Variants in LCMT1 observed in about 807,000 individuals in gnomAD.
The protein encoded by LCMT1 is [Phosphatase 2A protein]-leucine-carboxy methyltransferase 1.
In LCMT1, 32 loss-of-function variants were observed where a neutral mutation model predicts 47.7. The ratio of observed to expected loss-of-function variants is 0.67; its 90% CI spans 0.51 to 0.90. LCMT1 has a LOEUF of 0.90. LCMT1 is among the 40% of genes least tolerant of loss of function. The pLI is 0.00. For synonymous variants in LCMT1, 152 were observed against 149.7 expected (o/e 1.02, Z -0.11); for missense variants, 375 against 415.2 (o/e 0.90, Z 0.84).
chr16:25,173,203 A>G (rs902394826), intron 9 of LCMT1, among the ~76,000 whole-genome samples: 30 of 152,212 alleles, frequency 2.0e-4, no homozygotes, highest in Non-Finnish European at 1.2e-4. Context: ...TAAGCACCAG[A>G]GATACAGCAA....
chr16:25,125,142 A>G (rs558436643), intron 1 of LCMT1, among the ~76,000 whole-genome samples: 3 of 152,350 alleles, frequency 2.0e-5, no homozygotes, highest in Admixed American at 1.3e-4. Context: ...GAGATGTGTA[A>G]TGGAAATTGA....
chr16:25,177,853 G>A lies in LCMT1; in HGVS notation c.983-148G>A, dbSNP rs1242459856. ...CTTACCCAACCTTTTGTTTCCTTGC[G>A]AAACCTCATTTTATGTAGCAGGAGG... On this transcript the variant is annotated intron_variant, in intron 10 of 10. Coordinates refer to ENST00000399069, the MANE Select transcript of LCMT1 (RefSeq NM_016309.3). 24 of 726,270 alleles carry A rather than the reference G, an allele frequency of 3.3e-5. 1 individual carries two copies. The East Asian group carries it at 4.1e-4, about 12-fold the overall frequency. 45.0% of individuals were successfully genotyped at this position (726,270 alleles called of 1,614,324 possible). A position where few individuals can be genotyped will look rare whatever the true frequency, so the allele number is the denominator to read the frequency against.
At chr16:25,118,857 C>T (rs904308778) in intron 1 of LCMT1, among the ~76,000 whole-genome samples, 1 of 151,622 alleles carries the variant, frequency 6.6e-6, no homozygotes, top group South Asian at 2.1e-4. Flanking sequence ...GTGCAGGAGG[C>T]GGGGGCAGAT....
chr16:25,123,213 T>C (rs1286182607), intron 1 of LCMT1, among the ~76,000 whole-genome samples: 1 of 147,090 alleles, frequency 6.8e-6, no homozygotes, highest in Non-Finnish European at 1.5e-5. Context: ...ACTTGTATTA[T>C]ATATAACTTC....
At chr16:25,117,290 C>T (rs1363549904) in intron 1 of LCMT1, among the ~76,000 whole-genome samples, 3 of 152,126 alleles carry the variant, frequency 2.0e-5, no homozygotes, top group African/African-American at 7.2e-5. Flanking sequence ...TTGTCAGGAT[C>T]GCAAATCTTA....
At position 25,170,735 on chromosome 16, in the gene LCMT1, G is replaced by A. The variant is rs1284675902; in HGVS notation, c.814G>A (p.Gly272Arg). The A allele has an allele frequency of 6.2e-7, 1 of 1,613,316 alleles. No homozygotes were observed. ...TTAGAAAGAACGGCTCCTGTCGAAT[G>A]GGTGGGAAACAGCATCGGCCGTCGA... Reference protein sequence around the residue: ...ESQKERLLSNGWETASAVDMM... With the variant: ...ESQKERLLSNRWETASAVDMM... The change falls in exon 9 of 11, where the codon GGG becomes AGG. Residue 272 changes from glycine (G) to arginine (R), a missense_variant. Transcript: ENST00000399069.
At chr16:25,166,723 GC>G (rs2141706775) in intron 7 of LCMT1, among the ~76,000 whole-genome samples, 1 of 152,308 alleles carries the variant, frequency 6.6e-6, no homozygotes, top group South Asian at 2.1e-4. Flanking sequence ...TCTAGGGCTA[GC>G]CCTTGGTCTC....
At chr16:25,121,667 G>C (rs1371129282) in intron 1 of LCMT1, among the ~76,000 whole-genome samples, 2 of 152,180 alleles carry the variant, frequency 1.3e-5, no homozygotes, top group Non-Finnish European at 2.9e-5. Context: ...CTTCTTCAGA[G>C]GGTGGCAGGG....
At chr16:25,120,739 G>GTTTTTTTTTT (rs972134934) in intron 1 of LCMT1, among the ~76,000 whole-genome samples, 1 of 103,574 alleles carries the variant, frequency 9.7e-6, no homozygotes. Context: ...TTGTTTTTTT[G>GTTTTTTTTTT]TTTTTTTTTT....
At chr16:25,160,825 T>C (rs1252990865) in intron 5 of LCMT1, 1 of 592,118 alleles carries the variant, frequency 1.7e-6, no homozygotes, top group Admixed American at 1.9e-5. Flanking sequence ...ATTCAGGATG[T>C]GTGTATGTGT....
At chr16:25,169,293 T>C in intron 8 of LCMT1, 80 bp downstream of exon 8, 1 of 921,080 alleles carries the variant, frequency 1.1e-6, no homozygotes, top group Non-Finnish European at 1.8e-6. Flanking sequence ...GCAGATGTGA[T>C]CATGGAGAAG....
chr16:25,123,226 T>C (rs916268895), intron 1 of LCMT1, among the ~76,000 whole-genome samples: 5 of 142,582 alleles, frequency 3.5e-5, no homozygotes, highest in Admixed American at 6.8e-5. Flanking sequence ...ATAACTTCTT[T>C]TTTTTTTTTT....
At chr16:25,112,411 T>A (rs1016197587) in intron 1 of LCMT1, among the ~76,000 whole-genome samples, 2 of 152,150 alleles carry the variant, frequency 1.3e-5, no homozygotes, top group African/African-American at 4.8e-5. Flanking sequence ...GTTGTGCACC[T>A]GAAACTCAGG....
chr16:25,113,611 TAGAG>T (rs1039537786), intron 1 of LCMT1, among the ~76,000 whole-genome samples: 5 of 152,344 alleles, frequency 3.3e-5, no homozygotes, highest in South Asian at 2.1e-4. Context: ...ATTAAAGTCT[TAGAG>T]AGAGTCCCTT....
intron 4 of LCMT1, among the ~76,000 whole-genome samples, chr16:25,151,115 C>T (rs1436017717): frequency 1.3e-5 from 2 of 152,104 alleles, no homozygotes; most frequent in African/African-American, 4.8e-5. Flanking sequence ...TACTGAACTT[C>T]AAGTTTGTGT....
intron 3 of LCMT1, among the ~76,000 whole-genome samples, chr16:25,134,214 T>C (rs1158657026): frequency 6.6e-6 from 1 of 152,162 alleles, no homozygotes; most frequent in Non-Finnish European, 1.5e-5. Flanking sequence ...TCAGTTCACC[T>C]GATATGAAGG....
chr16:25,140,350 C>A, intron 4 of LCMT1, 103 bp downstream of exon 4: 1 of 901,322 alleles, frequency 1.1e-6, no homozygotes, highest in Non-Finnish European at 1.7e-6. Flanking sequence ...TAGGGTGTTG[C>A]CTTCCGTTCA....
intron 2 of LCMT1, among the ~76,000 whole-genome samples, chr16:25,130,296 C>T (rs1039203219): frequency 4.7e-5 from 7 of 147,886 alleles, no homozygotes; most frequent in African/African-American, 1.0e-4. Context: ...GCCGAGATCA[C>T]GCCACTGCAC....
At chr16:25,118,116 G>T (rs1234846765) in intron 1 of LCMT1, among the ~76,000 whole-genome samples, 1 of 152,116 alleles carries the variant, frequency 6.6e-6, no homozygotes, top group Non-Finnish European at 1.5e-5. Flanking sequence ...CCAGAGGTTT[G>T]TAAAAGGCCC....
Sources: allele counts gnomAD v4.1 joint callset (sites outside exome capture counted in the v4.1 genomes callset), GRCh38; gene constraint gnomAD v4.1.1; transcripts MANE v1.5; gene names NCBI Gene and HGNC (gene_info 2026-07-23, HGNC 2026-07-21).